CWC22: variants seen among roughly 807,000 people sequenced by gnomAD.
CWC22 encodes CWC22 spliceosome associated protein, also known as pre-mRNA-splicing factor CWC22 homolog.
A neutral mutation model predicts 117.2 loss-of-function variants in CWC22; 53 were observed. The observed-to-expected ratio is 0.45, with a 90% CI of 0.36 to 0.57. The LOEUF (loss-of-function observed/expected upper bound fraction) is 0.57. Among genes scored for constraint, CWC22 ranks in the 20% least tolerant of loss-of-function variants. The pLI is 0.00. For synonymous variants in CWC22, 360 were observed against 355.6 expected (o/e 1.01, Z -0.14); for missense variants, 980 against 1,068.8 (o/e 0.92, Z 1.16).
intron 5 of CWC22, among the ~76,000 whole-genome samples, chr2:179,980,583 A>G (rs1575651644): frequency 6.6e-6 from 1 of 151,988 alleles, no homozygotes; most frequent in Non-Finnish European, 1.5e-5. Flanking sequence ...ACGCCTGGCT[A>G]ATTTTTGTAT....
chr2:179,945,682 G>T lies in CWC22; in HGVS notation c.2174C>A (p.Thr725Asn). 1 of 1,602,328 alleles carries T rather than the reference G, an allele frequency of 6.2e-7. No homozygotes were observed. The change falls in exon 20 of 20, where the codon ACC becomes AAC. Residue 725 changes from threonine (T) to asparagine (N), a missense_variant. This residue lies in a region of CWC22 where 306 missense variants were observed against 296.8 expected (regional missense o/e 1.03). Transcript: ENST00000410053. ...CAATTTATCTACCTCTTTACTTCTGGTCTTCCCATGTCCCTTCTTTCTTAC... is the reference window on the plus strand; with the variant it reads ...CAATTTATCTACCTCTTTACTTCTGTTCTTCCCATGTCCCTTCTTTCTTAC... ...NDVRKKGHGK[T>N]RSKEVDKLIR...
intron 5 of CWC22, among the ~76,000 whole-genome samples, chr2:179,979,625 T>C (rs184712561): frequency 4.8e-4 from 73 of 152,246 alleles, no homozygotes; most frequent in African/African-American, 1.5e-3. Context: ...ATTGCTAGCA[T>C]GGTGAGGATA....
chr2:179,950,000 AAGG>A (rs1489546318), intron 19 of CWC22, among the ~76,000 whole-genome samples: 2 of 152,138 alleles, frequency 1.3e-5, no homozygotes, highest in Non-Finnish European at 2.9e-5. Flanking sequence ...ATGAGGATGG[AAGG>A]AGTAGTAACT....
chr2:179,982,946 T>C (rs1687322610), intron 4 of CWC22, among the ~76,000 whole-genome samples: 2 of 152,174 alleles, frequency 1.3e-5, no homozygotes. Context: ...TTTCATATTA[T>C]CACTGCATTA....
Position 179,950,703 on chromosome 2 carries a change from G to A in CWC22, c.1949C>T (p.Thr650Ile). 1.2e-6 allele frequency: 2 copies of A among 1,613,542 alleles called. No individual in the cohort carries two copies. Among genetic ancestry groups the A allele is most frequent in the East Asian group, 2.2e-5 (1 of 44,874 alleles). Reference sequence around the variant, plus strand: ...TTTCTGCGCCACAATGACCTTTGGTGTATTTTTGAGATGCTCCCGCAGTTC... The same window carrying A: ...TTTCTGCGCCACAATGACCTTTGGTATATTTTTGAGATGCTCCCGCAGTTC... ...TDELREHLKN[T>I]PKVIVAQKPD... The change falls in exon 19 of 20, where the codon ACA becomes ATA. Residue 650 changes from threonine (T) to isoleucine (I), a missense_variant. Thr to Ile is a moderately conservative substitution (Grantham distance 89). Transcript: ENST00000410053.
At chr2:179,981,160 T>C (rs1009506807) in intron 5 of CWC22, among the ~76,000 whole-genome samples, 4 of 152,232 alleles carry the variant, frequency 2.6e-5, no homozygotes, top group Non-Finnish European at 4.4e-5. Flanking sequence ...GTTGGCAAAC[T>C]ACACCCATGA....
intron 19 of CWC22, among the ~76,000 whole-genome samples, chr2:179,948,679 C>A (rs139501596): frequency 5.9e-5 from 9 of 152,160 alleles, no homozygotes; most frequent in Admixed American, 5.2e-4. Flanking sequence ...AAACATCAGA[C>A]GAAACTCCAT....
At chr2:179,995,230 T>TA (rs2105557883) in intron 1 of CWC22, among the ~76,000 whole-genome samples, 1 of 152,356 alleles carries the variant, frequency 6.6e-6, no homozygotes, top group South Asian at 2.1e-4. Flanking sequence ...TGTTTGAACT[T>TA]AGTTTCAGAG....
chr2:180,001,744 G>C (rs1687854761), intron 1 of CWC22, among the ~76,000 whole-genome samples: 1 of 152,136 alleles, frequency 6.6e-6, no homozygotes, highest in Non-Finnish European at 1.5e-5. Flanking sequence ...GCTAAATCCA[G>C]GGGCAGCTTC....
chr2:179,982,091 C>T (rs565214740), intron 4 of CWC22, 94 bp from the exon 5 acceptor site: 6 of 681,426 alleles, frequency 8.8e-6, no homozygotes, highest in South Asian at 5.8e-5. Context: ...ATAAGTGGGT[C>T]CCACAAATTC....
In CWC22 at chr2:179,950,684, C is replaced by A. The variant is rs749617124; in HGVS notation, c.1968G>T (p.Ala656=). The A allele has an allele frequency of 2.5e-6, 4 of 1,613,576 alleles. No individual in the cohort carries two copies. The highest frequency in any genetic ancestry group is 2.7e-5 in the African/African-American group (2 of 74,990). The change falls in exon 19 of 20, where the codon GCG becomes GCT. Residue 656 remains alanine (A), a synonymous_variant. Transcript: ENST00000410053. ...HLKNTPKVIV[A]QKPDVEQNKS... ...TATTTTGCTCAACATCTGGTTTCTG[C>A]GCCACAATGACCTTTGGTGTATTTT...
intron 2 of CWC22, among the ~76,000 whole-genome samples, chr2:179,992,699 C>A (rs962681848): frequency 4.6e-5 from 7 of 152,184 alleles, no homozygotes; most frequent in African/African-American, 1.7e-4. Context: ...CTATTTTGTT[C>A]AAAGTTCTTA....
intron 11 of CWC22, among the ~76,000 whole-genome samples, chr2:179,969,044 G>A (rs1686965388): frequency 6.6e-6 from 1 of 152,104 alleles, no homozygotes; most frequent in South Asian, 2.1e-4. Context: ...TAATTTTCAA[G>A]AGTGTAAAGG....
intron 5 of CWC22, among the ~76,000 whole-genome samples, chr2:179,980,886 C>T (rs1022252327): frequency 4.6e-5 from 7 of 152,158 alleles, no homozygotes; most frequent in Non-Finnish European, 8.8e-5. Flanking sequence ...TCATTTCAAT[C>T]TGGGACCATA....
At position 179,970,928 on chromosome 2, in the gene CWC22, A is replaced by C. The variant is rs1414986829; in HGVS notation, c.940+13T>G. On this transcript the variant is annotated intron_variant, in intron 9 of 19. Coordinates refer to ENST00000410053, the MANE Select transcript of CWC22 (RefSeq NM_020943.3). Reference sequence around the variant, plus strand: ...AATAAAAACTTAACATCAAACTATGAATGTACACTTACCATTGATTCCTCT... The same window carrying C: ...AATAAAAACTTAACATCAAACTATGCATGTACACTTACCATTGATTCCTCT... 1 of 1,611,488 alleles carries C rather than the reference A, an allele frequency of 6.2e-7. No homozygotes were observed. The highest frequency in any genetic ancestry group is 2.2e-5 in the East Asian group (1 of 44,836).
intron 13 of CWC22, among the ~76,000 whole-genome samples, chr2:179,962,164 T>A (rs1686768422): frequency 6.6e-6 from 1 of 152,258 alleles, no homozygotes; most frequent in Admixed American, 6.5e-5. Flanking sequence ...TAGTTTAATG[T>A]TTTATGCATA....
chr2:179,981,362 C>T (rs1391001916), intron 5 of CWC22, among the ~76,000 whole-genome samples: 3 of 152,110 alleles, frequency 2.0e-5, no homozygotes, highest in African/African-American at 7.2e-5. Flanking sequence ...AGTTTGCTGA[C>T]TCCTGGTTTA....
At chr2:179,964,500 C>T (rs1686838141) in intron 13 of CWC22, 47 bp downstream of exon 13, 2 of 989,320 alleles carry the variant, frequency 2.0e-6, no homozygotes, top group African/African-American at 3.2e-5. Context: ...CTTTACCCAT[C>T]CCTTATCAAA....
At chr2:179,950,394 G>A in intron 19 of CWC22, 118 bp downstream of exon 19, 1 of 643,774 alleles carries the variant, frequency 1.6e-6, no homozygotes, top group Non-Finnish European at 2.7e-6. Context: ...ATTAATTGTG[G>A]CTTTTAAACA....
Sources: gnomAD v4.1 joint callset for allele counts (sites outside exome capture counted in the v4.1 genomes callset) on GRCh38, gnomAD v4.1.1 for gene constraint, gnomAD v4.1.1 regional missense constraint, MANE v1.5 for transcripts, NCBI Gene and HGNC (gene_info 2026-07-23, HGNC 2026-07-21) for gene names.